The following DIP2C variants were observed in gnomAD, a reference collection of about 807,000 sequenced individuals.
DIP2C encodes the protein disco-interacting protein 2 homolog C.
DIP2C carries 33 observed loss-of-function variants against 192.4 expected under a neutral mutation model. That is an observed-to-expected ratio of 0.17 (90% CI 0.13 to 0.23). The LOEUF is 0.23. Ranked by LOEUF, DIP2C falls within the 10% of genes least tolerant of loss-of-function variation. DIP2C has a pLI of 1.00. For synonymous variants in DIP2C, 979 were observed against 864.1 expected (o/e 1.13, Z -2.33); for missense variants, 1,537 against 2,110.1 (o/e 0.73, Z 5.32).
At chr10:433,086 CTA>C (rs1966895502) in intron 4 of DIP2C, among the ~76,000 whole-genome samples, 1 of 152,160 alleles carries the variant, frequency 6.6e-6, no homozygotes, top group East Asian at 1.9e-4. Flanking sequence ...AGGAAATAGT[CTA>C]TAAATGTCAA....
At chr10:581,469 A>T (rs539129431) in intron 1 of DIP2C, among the ~76,000 whole-genome samples, 13 of 152,286 alleles carry the variant, frequency 8.5e-5, no homozygotes, top group East Asian at 1.9e-4. Flanking sequence ...GGTTTTTTTT[A>T]AAGTTATATT....
intron 1 of DIP2C, among the ~76,000 whole-genome samples, chr10:685,017 C>T (rs959146637): frequency 6.6e-6 from 1 of 151,038 alleles, no homozygotes. Flanking sequence ...ACCTGTAGTC[C>T]CAGCTACTTG....
chr10:659,265 T>C (rs557862883), intron 1 of DIP2C, among the ~76,000 whole-genome samples: 48 of 149,630 alleles, frequency 3.2e-4, no homozygotes, highest in Admixed American at 2.3e-3. Flanking sequence ...TGCACACACA[T>C]ACATACAACA....
At chr10:339,174 G>A (rs898354129) in intron 29 of DIP2C, among the ~76,000 whole-genome samples, 3 of 152,086 alleles carry the variant, frequency 2.0e-5, no homozygotes, top group Non-Finnish European at 4.4e-5. Context: ...CATGGGAAAG[G>A]GAAGTCATTA....
intron 1 of DIP2C, among the ~76,000 whole-genome samples, chr10:570,043 C>T (rs973888644): frequency 3.3e-5 from 5 of 152,164 alleles, no homozygotes; most frequent in Non-Finnish European, 5.9e-5. Flanking sequence ...ACCTTGCACT[C>T]CACAGACTGA....
At chr10:448,703 GC>G (rs1332917082) in intron 3 of DIP2C, among the ~76,000 whole-genome samples, 3 of 144,118 alleles carry the variant, frequency 2.1e-5, no homozygotes, top group South Asian at 2.3e-4. Context: ...CAGTGGGGCA[GC>G]AGGACCCGCT....
rs867034184 is a variant in DIP2C at position 440,271 on chromosome 10, C to G, written c.394+600G>C. Among the ~76,000 whole-genome samples the G allele has an allele frequency of 2.6e-5, 4 of 152,274 alleles. No homozygotes were observed. In the East Asian group the frequency reaches 7.7e-4, roughly 29 times the overall value. ...GCACATCTGTGCACCAAATCTGGTCCGCTGTTCTTATAAAGTTTTATTGGT... is the reference window on the plus strand; with the variant it reads ...GCACATCTGTGCACCAAATCTGGTCGGCTGTTCTTATAAAGTTTTATTGGT... On this transcript the variant is annotated intron_variant, in intron 4 of 36. Transcript: ENST00000280886.
intron 20 of DIP2C, 143 bp downstream of exon 20, chr10:364,231 G>A (rs1959904239): frequency 3.4e-6 from 3 of 879,226 alleles, no homozygotes; most frequent in Non-Finnish European, 5.1e-6. Context: ...TCAGAGGTCA[G>A]AGTCCAGTTG....
intron 1 of DIP2C, among the ~76,000 whole-genome samples, chr10:521,894 C>T (rs1846730462): frequency 6.6e-6 from 1 of 151,962 alleles, no homozygotes; most frequent in African/African-American, 2.4e-5. Context: ...CCCCACCGGA[C>T]CAGCATGTCT....
rs59721670 is a variant in DIP2C, at chr10:565,354, T to TAAAAAAAAAAAAAAAAAAAA, written c.86-78825_86-78824insTTTTTTTTTTTTTTTTTTTT. On this transcript the variant is annotated intron_variant, in intron 1 of 36. Transcript: ENST00000280886. ...AAAATATGAAACAGTACCTGCATTC[T>TAAAAAAAAAAAAAAAAAAAA]AAAAAAAAAAAAAAAAAGACCTAGA... Among the ~76,000 whole-genome samples, 93 of 114,064 alleles carry TAAAAAAAAAAAAAAAAAAAA rather than the reference T, an allele frequency of 8.2e-4. 4 individuals carry two copies. Among genetic ancestry groups the TAAAAAAAAAAAAAAAAAAAA allele is most frequent in the African/African-American group, 2.7e-3 (72 of 26,644 alleles). The allele number at this position is 114,064 out of a possible 152,430, so 74.8% of individuals were successfully genotyped here.
At chr10:436,076 T>C (rs1256212720) in intron 4 of DIP2C, among the ~76,000 whole-genome samples, 1 of 152,248 alleles carries the variant, frequency 6.6e-6, no homozygotes, top group African/African-American at 2.4e-5. Context: ...CTATTTTTTA[T>C]ATTAACTGGT....
In DIP2C at chr10:535,420, C is replaced by A. The variant is rs578074172; in HGVS notation, c.86-48890G>T. On this transcript the variant is annotated intron_variant, in intron 1 of 36. Coordinates refer to ENST00000280886, the MANE Select transcript of DIP2C (RefSeq NM_014974.3). ...CCTTCACACATCTGGAAATCATCCA[C>A]GTCTAGTACTCCCCACAGAACAGAT... Among the ~76,000 whole-genome samples the A allele has an allele frequency of 6.6e-5, 10 of 152,134 alleles. No individual in the cohort carries two copies. The South Asian group carries it at 8.4e-4, about 13-fold the overall frequency.
intron 22 of DIP2C, among the ~76,000 whole-genome samples, chr10:359,498 C>G (rs1442339006): frequency 1.3e-5 from 2 of 152,128 alleles, no homozygotes; most frequent in Non-Finnish European, 2.9e-5. Context: ...CTCCTACACT[C>G]GGCAAATCAT....
At chr10:621,047 G>A (rs995242995) in intron 1 of DIP2C, among the ~76,000 whole-genome samples, 3 of 152,212 alleles carry the variant, frequency 2.0e-5, no homozygotes, top group Non-Finnish European at 2.9e-5. Context: ...GGAGGCCCAA[G>A]TACCTGGAGA....
At chr10:604,879 C>T (rs1396196397) in intron 1 of DIP2C, among the ~76,000 whole-genome samples, 6 of 152,192 alleles carry the variant, frequency 3.9e-5, no homozygotes, top group Non-Finnish European at 7.3e-5. Context: ...ACTCTGACCT[C>T]GGCTGGGCAC....
At chr10:347,398 G>A (rs141816444) in intron 26 of DIP2C, among the ~76,000 whole-genome samples, 445 of 103,792 alleles carry the variant, frequency 4.3e-3, no homozygotes, top group African/African-American at 0.015. Flanking sequence ...AACGTCACAC[G>A]CACCCGGACA....
At chr10:376,470 C>T (rs541351097) in intron 17 of DIP2C, among the ~76,000 whole-genome samples, 4 of 145,220 alleles carry the variant, frequency 2.8e-5, no homozygotes, top group South Asian at 2.3e-4. Context: ...AGACAAAATG[C>T]GAAGTTACCA....
At chr10:404,677 C>T (rs375973746) in intron 9 of DIP2C, among the ~76,000 whole-genome samples, 12 of 152,118 alleles carry the variant, frequency 7.9e-5, no homozygotes, top group African/African-American at 1.2e-4. Flanking sequence ...CTGGAAAGGT[C>T]GGAATGCAGG....
chr10:619,947 C>T (rs747651950), intron 1 of DIP2C, among the ~76,000 whole-genome samples: 3 of 152,314 alleles, frequency 2.0e-5, no homozygotes, highest in Non-Finnish European at 4.4e-5. Flanking sequence ...GGCAAGTGCA[C>T]GGGGTGGCCA....
Sources: allele counts gnomAD v4.1 joint callset (sites outside exome capture counted in the v4.1 genomes callset), GRCh38; gene constraint gnomAD v4.1.1; transcripts MANE v1.5; gene names NCBI Gene and HGNC (gene_info 2026-07-23, HGNC 2026-07-21).